The following RABL6 variants were observed in gnomAD, a reference collection of about 807,000 sequenced individuals.
The protein encoded by RABL6 is rab-like protein 6.
RABL6 carries 28 observed loss-of-function variants against 72.9 expected under a neutral mutation model. The ratio of observed to expected loss-of-function variants is 0.38; its 90% CI spans 0.28 to 0.53. The LOEUF (loss-of-function observed/expected upper bound fraction) is 0.53, where lower values mean the gene tolerates loss of function less well. RABL6 is among the 20% of genes least tolerant of loss of function. RABL6 has a pLI of 0.80. For synonymous variants in RABL6, 477 were observed against 421.2 expected (o/e 1.13, Z -1.62); for missense variants, 1,029 against 1,008.4 (o/e 1.02, Z -0.28).
At chr9:136,827,627 CTG>C (rs1233902418) in intron 3 of RABL6, 1 of 152,418 alleles carries the variant, frequency 6.6e-6, no homozygotes, top group Non-Finnish European at 1.5e-5. Flanking sequence ...TGTGGCCAGA[CTG>C]GGGAGGCTCC....
chr9:136,812,562 A>G (rs532235676), intron 1 of RABL6, among the ~76,000 whole-genome samples: 1 of 152,268 alleles, frequency 6.6e-6, no homozygotes, highest in Non-Finnish European at 1.5e-5. Flanking sequence ...TCGTCTTAAA[A>G]AAAAAAGAAA....
At chr9:136,823,184 G>A (rs1327382273) in intron 1 of RABL6, among the ~76,000 whole-genome samples, 2 of 151,572 alleles carry the variant, frequency 1.3e-5, no homozygotes, top group Non-Finnish European at 2.9e-5. Context: ...CAGGTGGTGG[G>A]CCCTGACCCT....
At chr9:136,812,523 C>T (rs529685205) in intron 1 of RABL6, among the ~76,000 whole-genome samples, 6 of 152,010 alleles carry the variant, frequency 3.9e-5, no homozygotes, top group South Asian at 2.1e-4. Flanking sequence ...CACACCACTG[C>T]GCTCCAGCCT....
intron 2 of RABL6, among the ~76,000 whole-genome samples, chr9:136,825,339 A>G (rs912297129): frequency 1.3e-5 from 2 of 151,688 alleles, no homozygotes; most frequent in Non-Finnish European, 2.9e-5. Context: ...GGGCAAAAAC[A>G]CAGACATCGA....
At chr9:136,828,234 A>G (rs1008377533) in intron 3 of RABL6, 4 of 484,354 alleles carry the variant, frequency 8.3e-6, no homozygotes, top group Non-Finnish European at 1.5e-5. Flanking sequence ...CAGCCTGTCC[A>G]GGAGCTGCTG....
Position 136,832,370 on chromosome 9 carries a change from G to A in RABL6, c.705G>A (p.Gln235=). ...TCAATATCCCATTTTTGCAGCTTCA[G>A]GTAAGCACTCACCACGTGGGGTGGA... ...KFFNIPFLQL[Q]RETLLRQLET... is the part of the protein sequence containing the mutation. The change falls in exon 7 of 15, where the codon CAG becomes CAA. Residue 235 remains glutamine, a splice_region_variant and synonymous_variant. Transcript: ENST00000311502. 1 of 1,608,528 alleles carries A rather than the reference G, an allele frequency of 6.2e-7. No homozygotes were observed. Among genetic ancestry groups the A allele is most frequent in the South Asian group, 1.1e-5 (1 of 90,972 alleles).
At chr9:136,810,616 A>C (rs1224983103) in intron 1 of RABL6, among the ~76,000 whole-genome samples, 1 of 151,964 alleles carries the variant, frequency 6.6e-6, no homozygotes, top group Non-Finnish European at 1.5e-5. Context: ...ATCTCAGCTC[A>C]CTGCAAGCTC....
At chr9:136,829,349 G>A (rs754103109) in intron 4 of RABL6, 44 bp from the exon 5 acceptor site, 26 of 1,479,528 alleles carry the variant, frequency 1.8e-5, no homozygotes, top group Non-Finnish European at 2.2e-5. Context: ...CACGGGTGGG[G>A]CCCAGCCTGG....
At position 136,835,770 on chromosome 9, in the gene RABL6, C is replaced by T. The variant is rs750668496; in HGVS notation, c.734C>T (p.Thr245Met). ...GAGACGCTGTTGCGGCAGCTGGAGA[C>T]GAACCAGCTGGACATGGACGCCACG... ...QRETLLRQLE[T>M]NQLDMDATLE... The change falls in exon 8 of 15, where the codon ACG (threonine) becomes ATG (methionine). Residue 245 changes from threonine (T) to methionine (M), a missense_variant. This residue lies in a region of RABL6 where 434 missense variants were observed against 536.1 expected (regional missense o/e 0.81). Coordinates refer to ENST00000311502, the MANE Select transcript of RABL6 (RefSeq NM_024718.5). 3.2e-6 allele frequency: 5 copies of T among 1,550,626 alleles called. No homozygotes were observed. The highest frequency in any genetic ancestry group is 3.5e-6 in the Non-Finnish European group (4 of 1,147,882).
intron 1 of RABL6, among the ~76,000 whole-genome samples, chr9:136,823,182 G>A (rs1352171519): frequency 1.3e-5 from 2 of 152,104 alleles, no homozygotes; most frequent in Admixed American, 1.3e-4. Flanking sequence ...CTCAGGTGGT[G>A]GGCCCTGACC....
intron 1 of RABL6, among the ~76,000 whole-genome samples, chr9:136,812,597 C>T (rs879601199): frequency 6.6e-6 from 1 of 151,960 alleles, no homozygotes; most frequent in Non-Finnish European, 1.5e-5. Flanking sequence ...ATATGAATAT[C>T]CAGTCAAAAC....
intron 10 of RABL6, 112 bp from the exon 11 acceptor site, chr9:136,838,797 G>A: frequency 3.2e-6 from 3 of 940,704 alleles, no homozygotes; most frequent in Non-Finnish European, 4.6e-6. Context: ...GGGGTGGGGT[G>A]GCCCCACGGC....
chr9:136,834,171 C>T (rs1014324446), intron 7 of RABL6: 16 of 1,270,756 alleles, frequency 1.3e-5, no homozygotes, highest in Non-Finnish European at 1.4e-5. Context: ...AAATTTCAGG[C>T]CTTCTTTATG....
In RABL6 at chr9:136,819,118, C is replaced by A. The variant is rs183703410; in HGVS notation, c.131-4407C>A. ...CGAGTGGATCACGAGGTCAGGAGAT[C>A]GAGACCATCCTGGCTAACATGGTGA... On this transcript the variant is annotated intron_variant, in intron 1 of 14. Transcript: ENST00000311502. 3.1e-4 allele frequency among the ~76,000 whole-genome samples: 47 copies of A among 151,984 alleles called. 1 individual carries two copies. The East Asian group carries it at 8.1e-3, about 26-fold the overall frequency.
chr9:136,840,479 C>G lies in RABL6; in HGVS notation c.2147C>G (p.Pro716Arg). ...GAGGCTTTCCTGGGGGGCGGGGCCC[C>G]GGGCGGCCGCCACCCTGGGGGTGGC... Reference protein sequence around the residue: ...ELEAFLGGGAPGGRHPGGGDY... With the variant: ...ELEAFLGGGARGGRHPGGGDY... Residue 716 changes from proline (P) to arginine (R), a missense_variant, in exon 15 of 15, where the codon CCG (proline) becomes CGG (arginine). Physicochemically the swap from Pro to Arg is moderately radical, Grantham distance 103. This residue lies in a region of RABL6 where 595 missense variants were observed against 472.4 expected (regional missense o/e 1.26). Transcript: ENST00000311502. 1 of 1,526,826 alleles carries G rather than the reference C, an allele frequency of 6.5e-7. No homozygotes were observed. The highest frequency in any genetic ancestry group is 8.8e-7 in the Non-Finnish European group (1 of 1,138,836). 94.6% of individuals were successfully genotyped at this position (1,526,826 alleles called of 1,614,324 possible). A position where few individuals can be genotyped will look rare whatever the true frequency, so the allele number is the denominator to read the frequency against.
chr9:136,811,034 G>GTC (rs968187728), intron 1 of RABL6, among the ~76,000 whole-genome samples: 3 of 152,148 alleles, frequency 2.0e-5, no homozygotes, highest in Non-Finnish European at 4.4e-5. Context: ...ACACCCACTG[G>GTC]TTTTAGAATA....
chr9:136,816,190 C>CA (rs1848115505), intron 1 of RABL6, among the ~76,000 whole-genome samples: 1 of 152,158 alleles, frequency 6.6e-6, no homozygotes, highest in Admixed American at 6.5e-5. Flanking sequence ...CTGCAGCCTT[C>CA]ACCTCCCTGG....
rs1235603048 is a variant in RABL6, at chr9:136,840,870, T to C, written c.*348T>C. 2.3e-5 allele frequency: 35 copies of C among 1,537,212 alleles called. No individual in the cohort carries two copies. The highest frequency in any genetic ancestry group is 3.1e-5 in the Non-Finnish European group (35 of 1,139,852). On this transcript the variant is annotated 3_prime_UTR_variant, in exon 15 of 15. Transcript: ENST00000311502. ...TTTACAGAGGCTGGGCAGGGGCCGC[T>C]TGGCTGTGGGGTGTGCGCTGCCCCG...
At chr9:136,835,410 T>C in intron 7 of RABL6, 1 of 215,152 alleles carries the variant, frequency 4.6e-6, no homozygotes, top group Admixed American at 5.6e-5. Context: ...GGGCTTTGTT[T>C]CCCAGGTGAA....
Sources: allele counts gnomAD v4.1 joint callset (sites outside exome capture counted in the v4.1 genomes callset), GRCh38; gene constraint gnomAD v4.1.1; regional missense constraint gnomAD v4.1.1; transcripts MANE v1.5; gene names NCBI Gene and HGNC (gene_info 2026-07-23, HGNC 2026-07-21).